The following MTMR4 variants were observed in gnomAD, a reference collection of about 807,000 sequenced individuals.
MTMR4 encodes the protein phosphatidylinositol-3,5-bisphosphate 3-phosphatase MTMR4.
In MTMR4, 30 loss-of-function variants were observed where a neutral mutation model predicts 125.5. The observed-to-expected ratio is 0.24, with a 90% CI of 0.18 to 0.32. The LOEUF is 0.32. MTMR4 is among the 10% of genes least tolerant of loss of function. The pLI is 1.00. For missense variants in MTMR4, 1,039 were observed against 1,511.5 expected (o/e 0.69, Z 5.18); for synonymous variants, 498 against 564.5 (o/e 0.88, Z 1.67).
intron 15 of MTMR4, among the ~76,000 whole-genome samples, chr17:58,494,053 G>A (rs554906653): frequency 1.2e-4 from 18 of 152,182 alleles, no homozygotes; most frequent in African/African-American, 3.4e-4. Context: ...AGTGGCTCAC[G>A]CCTGTAATCC....
chr17:58,509,430 T>G (rs879754694), intron 4 of MTMR4, among the ~76,000 whole-genome samples: 156 of 150,548 alleles, frequency 1.0e-3, no homozygotes, highest in Non-Finnish European at 1.9e-3. Context: ...TTTTTTTTTT[T>G]GAGAGAGGGT....
At chr17:58,494,463 G>C (rs1975398988) in intron 15 of MTMR4, among the ~76,000 whole-genome samples, 1 of 151,952 alleles carries the variant, frequency 6.6e-6, no homozygotes, top group Non-Finnish European at 1.5e-5. Flanking sequence ...CCTGACCCTT[G>C]TAATCTCCAC....
chr17:58,503,721 A>T, intron 14 of MTMR4, 23 bp downstream of exon 14: 4 of 1,600,948 alleles, frequency 2.5e-6, no homozygotes, highest in Non-Finnish European at 3.4e-6. Context: ...GAGAGAGGAG[A>T]AAGGAAGAAG....
upstream of MTMR4, among the ~76,000 whole-genome samples, chr17:58,518,197 C>T (rs1271167338): frequency 6.6e-6 from 1 of 152,208 alleles, no homozygotes. Flanking sequence ...GGCTGCTGGC[C>T]ACTGCTCTGG....
In MTMR4 at chr17:58,500,082, A is replaced by G. The variant is rs571130675; in HGVS notation, c.1853+3662T>C. Among the ~76,000 whole-genome samples, 20 of 152,294 alleles carry G rather than the reference A, an allele frequency of 1.3e-4. No individual in the cohort carries two copies. In the South Asian group the frequency reaches 3.7e-3, roughly 28 times the overall value. The stretch of plus-strand genomic sequence containing the variant: ...AATTTCCTGAGTAAAACAGCCACCA[A>G]GTGACCCTTTTAAAAAACACATCAT... On this transcript the variant is annotated intron_variant, in intron 14 of 17. Coordinates refer to ENST00000682306, the MANE Select transcript of MTMR4 (RefSeq NM_001378067.1).
chr17:58,517,548 A>C (rs2042034467), upstream of MTMR4, among the ~76,000 whole-genome samples: 1 of 152,230 alleles, frequency 6.6e-6, no homozygotes, highest in African/African-American at 2.4e-5. Context: ...CAGCAGCCCC[A>C]GGGAAGGAAG....
At position 58,512,652 on chromosome 17, in the gene MTMR4, C is replaced by CAGGAA. The variant is rs1273326821; in HGVS notation, c.136-147_136-146insTTCCT. ...TCTCCACGGTAACAGCACCAGGCAA[C>CAGGAA]AGCTGTACAGGAAAGCTGCCTTTCC... On this transcript the variant is annotated intron_variant, in intron 2 of 17. Transcript: ENST00000682306. This position sits in a 1 kb window ranked among gnomAD's most constrained non-coding sequence, Gnocchi z 4.1. 16 of 808,742 alleles carry CAGGAA rather than the reference C, an allele frequency of 2.0e-5. No homozygotes were observed. Among genetic ancestry groups the CAGGAA allele is most frequent in the Middle Eastern group, 3.6e-4 (1 of 2,804 alleles). The allele number at this position is 808,742 out of a possible 1,614,324, so 50.1% of individuals were successfully genotyped here.
chr17:58,505,718 A>G (rs1039505590), intron 9 of MTMR4, 135 bp from the exon 10 acceptor site: 70 of 497,880 alleles, frequency 1.4e-4, no homozygotes, highest in Admixed American at 9.2e-4. Flanking sequence ...GAACAGCCTG[A>G]CTAACACAGT....
intron 17 of MTMR4, among the ~76,000 whole-genome samples, chr17:58,492,153 G>A (rs1272209519): frequency 6.6e-6 from 1 of 152,144 alleles, no homozygotes; most frequent in East Asian, 1.9e-4. Flanking sequence ...CTATACATAT[G>A]TATTACACTA....
At position 58,508,286 on chromosome 17, in the gene MTMR4, C is replaced by G. The variant is rs756462720; in HGVS notation, c.594-12G>C. 4.3e-6 allele frequency: 7 copies of G among 1,610,560 alleles called. No homozygotes were observed. In the East Asian group the frequency reaches 1.6e-4, roughly 36 times the overall value. On this transcript the variant is annotated splice_polypyrimidine_tract_variant and intron_variant, in intron 6 of 17. Transcript: ENST00000682306. This position sits in a 1 kb window ranked among gnomAD's most constrained non-coding sequence, Gnocchi z 4.8. ...AACTGGGGCACAATCTGAGAAGAGA[C>G]CAGGTGGGGGTCACTGCACTGGGTC... is the stretch of plus-strand genomic sequence containing the variant.
In MTMR4 at chr17:58,508,920, C is replaced by A; in HGVS notation, c.336-79G>T. ...GGGCTATCAGGGCCAAAAACACAGC[C>A]ACAGGAAGGCTGTGAGGAGAGAAGG... On this transcript the variant is annotated intron_variant, in intron 4 of 17. Transcript: ENST00000682306. The surrounding 1 kb of genome is among the most constrained non-coding windows in gnomAD (Gnocchi z 4.8). 6.6e-7 allele frequency: 1 copy of A among 1,505,030 alleles called. No individual in the cohort carries two copies. The highest frequency in any genetic ancestry group is 9.1e-7 in the Non-Finnish European group (1 of 1,101,666). The allele number at this position is 1,505,030 out of a possible 1,614,324, so 93.2% of individuals were successfully genotyped here. A position where few individuals can be genotyped will look rare whatever the true frequency, so the allele number is the denominator to read the frequency against.
At chr17:58,494,307 C>T (rs902679845) in intron 15 of MTMR4, among the ~76,000 whole-genome samples, 15 of 130,644 alleles carry the variant, frequency 1.1e-4, no homozygotes, top group African/African-American at 2.6e-4. Flanking sequence ...GGTGACAGAG[C>T]GAGACTCCGT....
intron 10 of MTMR4, 106 bp from the exon 11 acceptor site, chr17:58,505,080 G>A: frequency 8.8e-7 from 1 of 1,132,010 alleles, no homozygotes. Context: ...ATTGAGAACT[G>A]AAACCAAGAG....
Position 58,512,908 on chromosome 17 carries a change from G to A in MTMR4, c.79C>T (p.Gln27Ter). 1 of 1,610,744 alleles carries A rather than the reference G, an allele frequency of 6.2e-7. No homozygotes were observed. Among genetic ancestry groups the A allele is most frequent in the Non-Finnish European group, 8.5e-7 (1 of 1,178,924 alleles). The change falls in exon 2 of 18, where the codon CAA becomes TAA. Residue 27 changes from glutamine to a stop codon, truncating the protein, a stop_gained. Transcript: ENST00000682306. LOFTEE classifies it high-confidence loss of function. This position sits in a 1 kb window ranked among gnomAD's most constrained non-coding sequence, Gnocchi z 4.1. ...TTGGGGGGGAACAGATCCTTGGCTT[G>A]GATGTACTCCAGGCTGGGGGGCCCC... ...EEGPPSLEYI[Q>*]AKDLFPPKEL...
intron 4 of MTMR4, 38 bp downstream of exon 4, chr17:58,511,391 A>G (rs1975927171): frequency 6.4e-7 from 1 of 1,555,592 alleles, no homozygotes; most frequent in Admixed American, 1.7e-5. Flanking sequence ...GGACAAGACT[A>G]GGGCCAGGGG....
intron 1 of MTMR4, 133 bp from the exon 2 acceptor site, chr17:58,513,074 G>C: frequency 1.4e-6 from 1 of 700,380 alleles, no homozygotes; most frequent in Non-Finnish European, 2.5e-6. Context: ...ACCAGAGAAG[G>C]GAAAAGAGAT....
chr17:58,503,756 C>T lies in MTMR4; in HGVS notation c.1841G>A (p.Arg614His), dbSNP rs192121355. The T allele has an allele frequency of 3.7e-6, 6 of 1,613,324 alleles. No homozygotes were observed. In the African/African-American group the frequency reaches 4.0e-5, roughly 11 times the overall value. Residue 614 changes from arginine (R) to histidine (H), a missense_variant, in exon 14 of 18, where the codon CGC (arginine) becomes CAC (histidine). By Grantham distance (29) the Arg-to-His change is conservative. Around this residue, in one of 6 missense-constraint regions of MTMR4, gnomAD observed 619 missense variants for 714.5 expected, o/e 0.87. Transcript: ENST00000682306. ...GGGCTTTTCTTACCTGTCCAGAGAG[C>T]GGCCAGAGAACTCCTGGCTCTGGGC... ...PVAQSQEFSG[R>H]SLDRLPKTRS...
At chr17:58,514,731 C>G (rs371939500), upstream of MTMR4, 88 of 938,202 alleles carry the variant, frequency 9.4e-5, 2 homozygotes, top group East Asian at 8.4e-3. Flanking sequence ...CCAGCCTCCT[C>G]CCTCCCCGCG....
chr17:58,503,535 G>A (rs767223222), intron 14 of MTMR4, among the ~76,000 whole-genome samples: 9 of 152,078 alleles, frequency 5.9e-5, no homozygotes, highest in Non-Finnish European at 1.2e-4. Flanking sequence ...TGTAATCCAA[G>A]CTACTCGGGA....
Sources: gnomAD v4.1 joint callset for allele counts (sites outside exome capture counted in the v4.1 genomes callset) on GRCh38, gnomAD v4.1.1 for gene constraint, gnomAD v4.1.1 regional missense constraint, Gnocchi (gnomAD v3.1) non-coding constraint, MANE v1.5 for transcripts, NCBI Gene and HGNC (gene_info 2026-07-23, HGNC 2026-07-21) for gene names.